The following LRPAP1 variants were observed in gnomAD, a reference collection of about 807,000 sequenced individuals.
LRPAP1 encodes the protein alpha-2-macroglobulin receptor-associated protein.
A neutral mutation model predicts 39.9 loss-of-function variants in LRPAP1; 41 were observed. The observed-to-expected ratio is 1.03, with a 90% confidence interval of 0.80 to 1.33. The LOEUF (loss-of-function observed/expected upper bound fraction) is 1.33. Ranked by LOEUF, LRPAP1 falls within the 40% of genes most tolerant of loss-of-function variation. The pLI is 0.00. For synonymous variants in LRPAP1, 263 were observed against 212.7 expected (o/e 1.24, Z -2.06); for missense variants, 565 against 482.3 (o/e 1.17, Z -1.61).
At chr4:3,516,292 T>C (rs528761005) in intron 5 of LRPAP1, 94 bp from the exon 6 acceptor site, 31 of 995,660 alleles carry the variant, frequency 3.1e-5, no homozygotes, top group South Asian at 2.4e-4. Context: ...GTGGAGCCTA[T>C]GAGGGTTTGC....
At position 3,513,021 on chromosome 4, in the gene LRPAP1, G is replaced by T. The variant is rs747039898; in HGVS notation, c.1027C>A (p.Gln343Lys). The change falls in exon 8 of 8, where the codon CAG becomes AAG. Residue 343 changes from glutamine to lysine, a missense_variant. Physicochemically the swap from Gln to Lys is moderately conservative, Grantham distance 53. Coordinates refer to ENST00000650182, the MANE Select transcript of LRPAP1 (RefSeq NM_002337.4). The part of the protein sequence containing the change: ...ELGYTVKKHL[Q>K]DLSGRISRAR... ...CTGGAGATCCTGCCGGACAGGTCCTGCAGATGCTTCTTCACCTGTGGACAG... is the reference window on the plus strand; with the variant it reads ...CTGGAGATCCTGCCGGACAGGTCCTTCAGATGCTTCTTCACCTGTGGACAG... 2 of 1,612,464 alleles carry T rather than the reference G, an allele frequency of 1.2e-6. No homozygotes were observed. The highest frequency in any genetic ancestry group is 2.7e-5 in the African/African-American group (2 of 75,020).
chr4:3,517,351 C>A (rs976523826), intron 5 of LRPAP1, among the ~76,000 whole-genome samples: 5 of 152,264 alleles, frequency 3.3e-5, no homozygotes, highest in African/African-American at 1.2e-4. Context: ...TGTCTTATCA[C>A]CATGAGGGCA....
rs1729422958 is a variant in LRPAP1 at position 3,508,627 on chromosome 4, G to A, written c.*4347C>T. 1 of 152,162 alleles carries A rather than the reference G, an allele frequency of 6.6e-6. No individual in the cohort carries two copies. The highest frequency in any genetic ancestry group is 2.4e-5 in the African/African-American group (1 of 41,410). The allele number at this position is 152,162 out of a possible 1,614,324, so 9.4% of individuals were successfully genotyped here. A position where few individuals can be genotyped will look rare whatever the true frequency, so the allele number is the denominator to read the frequency against. ...GCACCATGGCCACAGGGACTTACCT[G>A]GAAATGCCAGGTCATCTTGGCATAT... On this transcript the variant is annotated 3_prime_UTR_variant, in exon 8 of 8. Coordinates refer to ENST00000650182, the MANE Select transcript of LRPAP1 (RefSeq NM_002337.4).
intron 5 of LRPAP1, among the ~76,000 whole-genome samples, chr4:3,516,850 C>T (rs1730776): frequency 0.1 from 15,655 of 152,188 alleles, 1,037 homozygotes; most frequent in East Asian, 0.25. Context: ...CTGCTGACCC[C>T]TTCCTGCTCA....
chr4:3,525,324 G>GT (rs1469122573), intron 1 of LRPAP1, among the ~76,000 whole-genome samples: 2 of 152,194 alleles, frequency 1.3e-5, no homozygotes, highest in Non-Finnish European at 2.9e-5. Flanking sequence ...CTGTCCGGCT[G>GT]TAACAGGACA....
At chr4:3,530,515 G>T (rs185648592) in intron 1 of LRPAP1, among the ~76,000 whole-genome samples, 645 of 152,344 alleles carry the variant, frequency 4.2e-3, no homozygotes, top group Non-Finnish European at 7.6e-3. Flanking sequence ...AAAGGGACCA[G>T]AAAGATCATC....
intron 1 of LRPAP1, among the ~76,000 whole-genome samples, chr4:3,531,580 G>T (rs1039925889): frequency 3.9e-5 from 6 of 151,942 alleles, no homozygotes; most frequent in African/African-American, 1.5e-4. Flanking sequence ...GGGCCCCACC[G>T]GCCGAGCCAC....
intron 1 of LRPAP1, among the ~76,000 whole-genome samples, chr4:3,530,575 G>A (rs112341061): frequency 3.3e-5 from 5 of 152,236 alleles, no homozygotes; most frequent in African/African-American, 9.6e-5. Context: ...CCCTACCATG[G>A]TGCCCAGTGA....
At position 3,511,867 on chromosome 4, in the gene LRPAP1, GGCTC is replaced by G. The variant is rs1729531884; in HGVS notation, c.*1103_*1106del. 4 of 139,604 alleles carry G rather than the reference GGCTC, an allele frequency of 2.9e-5. No individual in the cohort carries two copies. Among genetic ancestry groups the G allele is most frequent in the Non-Finnish European group, 4.6e-5 (3 of 64,692 alleles). The allele number at this position is 139,604 out of a possible 1,614,324, so 8.6% of individuals were successfully genotyped here. On this transcript the variant is annotated 3_prime_UTR_variant, in exon 8 of 8. Coordinates refer to ENST00000650182, the MANE Select transcript of LRPAP1 (RefSeq NM_002337.4). The stretch of plus-strand genomic sequence containing the variant: ...CAGAGCCGGACCCGAGCCTCTTCCA[GGCTC>G]AGACACGGGAAGGGAACCACGCTCG...
At position 3,520,976 on chromosome 4, in the gene LRPAP1, A is replaced by C. The variant is rs145161389; in HGVS notation, c.350-783T>G. Among the ~76,000 whole-genome samples the C allele has an allele frequency of 3.5e-4, 53 of 152,336 alleles. 5 individuals carry two copies. In the East Asian group the frequency reaches 5.6e-3, roughly 16 times the overall value. Reference sequence around the variant, plus strand: ...CGACGCGGGCCCTGGTGCCAACAGGACAAGTCCTGCACTTGGGATGTGAGA... The same window carrying C: ...CGACGCGGGCCCTGGTGCCAACAGGCCAAGTCCTGCACTTGGGATGTGAGA... On this transcript the variant is annotated intron_variant, in intron 2 of 7. Coordinates refer to ENST00000650182, the MANE Select transcript of LRPAP1 (RefSeq NM_002337.4).
At position 3,512,694 on chromosome 4, in the gene LRPAP1, C is replaced by T. The variant is rs1474210450; in HGVS notation, c.*280G>A. The T allele has an allele frequency of 8.5e-6, 4 of 468,878 alleles. No individual in the cohort carries two copies. Among genetic ancestry groups the T allele is most frequent in the Admixed American group, 3.9e-5 (1 of 25,868 alleles). 29.0% of individuals were successfully genotyped at this position (468,878 alleles called of 1,614,324 possible). A position where few individuals can be genotyped will look rare whatever the true frequency, so the allele number is the denominator to read the frequency against. ...ACTATCAGACCTGACAGCAGCTGGACATCGAGGTCCTCACTGGGGTGGTGA... is the reference window on the plus strand; with the variant it reads ...ACTATCAGACCTGACAGCAGCTGGATATCGAGGTCCTCACTGGGGTGGTGA... On this transcript the variant is annotated 3_prime_UTR_variant, in exon 8 of 8. Transcript: ENST00000650182.
At chr4:3,524,629 C>G (rs1178095794) in intron 2 of LRPAP1, among the ~76,000 whole-genome samples, 1 of 152,254 alleles carries the variant, frequency 6.6e-6, no homozygotes, top group Non-Finnish European at 1.5e-5. Flanking sequence ...GCGTAGCCCA[C>G]AGCACTGAGG....
chr4:3,518,442 T>A (rs1247332809), intron 4 of LRPAP1, among the ~76,000 whole-genome samples: 1 of 152,104 alleles, frequency 6.6e-6, no homozygotes, highest in Non-Finnish European at 1.5e-5. Context: ...GGGCACCAGG[T>A]CCCCTGGGGG....
chr4:3,524,570 C>G (rs1214128852), intron 2 of LRPAP1, among the ~76,000 whole-genome samples: 1 of 152,240 alleles, frequency 6.6e-6, no homozygotes, highest in Non-Finnish European at 1.5e-5. Context: ...GATAGCCCCC[C>G]GCAGGCTGTG....
At chr4:3,523,249 G>A (rs1729973521) in intron 2 of LRPAP1, among the ~76,000 whole-genome samples, 1 of 152,152 alleles carries the variant, frequency 6.6e-6, no homozygotes, top group Non-Finnish European at 1.5e-5. Context: ...TGCATAGCCA[G>A]TCCCTTCTTC....
At chr4:3,525,504 A>C (rs1474536375) in intron 1 of LRPAP1, among the ~76,000 whole-genome samples, 1 of 152,144 alleles carries the variant, frequency 6.6e-6, no homozygotes, top group African/African-American at 2.4e-5. Context: ...TTCATTTCCC[A>C]AAGACCCTCA....
chr4:3,520,851 G>A (rs7674588), intron 2 of LRPAP1, among the ~76,000 whole-genome samples: 1,529 of 152,316 alleles, frequency 0.01, 28 homozygotes, highest in African/African-American at 0.035. Flanking sequence ...ATCTGCCCAC[G>A]TGGTGCTCCC....
chr4:3,518,308 A>G, intron 4 of LRPAP1, 116 bp from the exon 5 acceptor site: 1 of 1,148,120 alleles, frequency 8.7e-7, no homozygotes, highest in Non-Finnish European at 1.2e-6. Flanking sequence ...TTCTGGGCTG[A>G]AAATGTCCCC....
rs978269335 is a variant in LRPAP1, at chr4:3,516,269, A to G, written c.752-71T>C. 5.0e-6 allele frequency: 6 copies of G among 1,210,090 alleles called. No individual in the cohort carries two copies. The East Asian group carries it at 1.7e-4, about 34-fold the overall frequency. 75.0% of individuals were successfully genotyped at this position (1,210,090 alleles called of 1,614,324 possible). The stretch of plus-strand genomic sequence containing the variant: ...CACCACAGCCAGCCCCGCGGCAACC[A>G]CGCTGAGTGTGCGTGGAGCCTATGA... On this transcript the variant is annotated intron_variant, in intron 5 of 7. Coordinates refer to ENST00000650182, the MANE Select transcript of LRPAP1 (RefSeq NM_002337.4).
Sources: gnomAD v4.1 joint callset for allele counts (sites outside exome capture counted in the v4.1 genomes callset) on GRCh38, gnomAD v4.1.1 for gene constraint, MANE v1.5 for transcripts, NCBI Gene and HGNC (gene_info 2026-07-23, HGNC 2026-07-21) for gene names.